Variants in FOXP2 observed in about 807,000 individuals in gnomAD.
FOXP2 encodes forkhead box P2.
Under a neutral mutation model 115.8 loss-of-function variants are expected in FOXP2, and 12 were observed. The observed-to-expected ratio is 0.10, with a 90% CI of 0.07 to 0.17. The LOEUF is 0.17. FOXP2 is among the 10% of genes least tolerant of loss of function. The pLI, the probability that FOXP2 is intolerant of heterozygous loss-of-function variation, is 1.00. For synonymous variants in FOXP2, 328 were observed against 297.7 expected, an observed-to-expected ratio of 1.10 and a Z score of -1.05; for missense variants, 629 against 843.5, an observed-to-expected ratio of 0.75 and a Z score of 3.15.
chr7:114,355,376 T>C (rs911002440), intron 2 of FOXP2, among the ~76,000 whole-genome samples: 1 of 152,178 alleles, frequency 6.6e-6, no homozygotes, highest in Admixed American at 6.5e-5. Context: ...GCTTAGAGTG[T>C]GTTCTATAAA....
At chr7:114,593,970 G>A (rs528857203) in intron 3 of FOXP2, among the ~76,000 whole-genome samples, 11 of 151,958 alleles carry the variant, frequency 7.2e-5, no homozygotes, top group South Asian at 4.2e-4. Context: ...AGAAGTTTCC[G>A]TGTCTATATT....
At chr7:114,486,460 A>G (rs1796779152) in intron 2 of FOXP2, among the ~76,000 whole-genome samples, 1 of 151,998 alleles carries the variant, frequency 6.6e-6, no homozygotes, top group African/African-American at 2.4e-5. Flanking sequence ...CAGCCAAACC[A>G]TATCATTCCA....
upstream of FOXP2, among the ~76,000 whole-genome samples, chr7:114,410,088 T>C (rs776218360): frequency 4.6e-5 from 7 of 152,128 alleles, no homozygotes; most frequent in Non-Finnish European, 8.8e-5. Flanking sequence ...GTTCCAATAC[T>C]GGGATCTTCG....
intron 1 of FOXP2, among the ~76,000 whole-genome samples, chr7:114,097,531 T>C (rs1177096307): frequency 1.3e-5 from 2 of 152,226 alleles, no homozygotes; most frequent in Non-Finnish European, 2.9e-5. Flanking sequence ...TTCATTCAAG[T>C]AAGTTTTTAT....
chr7:114,137,305 T>TC (rs1339693448), intron 1 of FOXP2, among the ~76,000 whole-genome samples: 1 of 152,172 alleles, frequency 6.6e-6, no homozygotes, highest in African/African-American at 2.4e-5. Flanking sequence ...TCAATGACTT[T>TC]TAAAGTAACA....
intron 3 of FOXP2, among the ~76,000 whole-genome samples, chr7:114,564,695 T>C (rs1800919656): frequency 1.3e-5 from 2 of 151,846 alleles, no homozygotes; most frequent in African/African-American, 2.4e-5. Flanking sequence ...GCCTGGAGTA[T>C]ATAGTGAGAC....
upstream of FOXP2, among the ~76,000 whole-genome samples, chr7:114,411,054 A>G (rs922286536): frequency 6.6e-6 from 1 of 152,156 alleles, no homozygotes. Flanking sequence ...AAATGCATAC[A>G]TAAATGGCAA....
At chr7:114,540,799 T>C (rs1242754185) in intron 3 of FOXP2, among the ~76,000 whole-genome samples, 3 of 152,042 alleles carry the variant, frequency 2.0e-5, no homozygotes, top group African/African-American at 7.2e-5. Context: ...AATTCTGAGA[T>C]CTGGTTGGGC....
intron 1 of FOXP2, among the ~76,000 whole-genome samples, chr7:114,169,123 T>C (rs1402377392): frequency 6.6e-6 from 1 of 150,596 alleles, no homozygotes; most frequent in African/African-American, 2.5e-5. Context: ...AAATGTGGGG[T>C]CAGAGCCCCC....
chr7:114,453,334 C>T (rs1482082027), intron 2 of FOXP2, among the ~76,000 whole-genome samples: 1 of 152,036 alleles, frequency 6.6e-6, no homozygotes, highest in East Asian at 1.9e-4. Flanking sequence ...AGGGGTTAAG[C>T]TGCATTTAAG....
chr7:114,416,878 A>G (rs1793371942), intron 1 of FOXP2, among the ~76,000 whole-genome samples: 1 of 151,934 alleles, frequency 6.6e-6, no homozygotes, highest in African/African-American at 2.4e-5. Flanking sequence ...ATGGTGCTCT[A>G]TTAGAAAACA....
At chr7:114,493,023 A>C (rs544499236) in intron 2 of FOXP2, among the ~76,000 whole-genome samples, 1 of 152,244 alleles carries the variant, frequency 6.6e-6, no homozygotes, top group East Asian at 1.9e-4. Flanking sequence ...AAAGTCTCCC[A>C]TTATTATTGT....
In FOXP2 at chr7:114,692,424, G is replaced by T. The variant is rs1478224408; in HGVS notation, c.*2498G>T. ...CAATTGCTTTGAAAATAGATTTTAG[G>T]TTTTTTGGAGTTTCCTGAAATGCTT... On this transcript the variant is annotated 3_prime_UTR_variant, in exon 17 of 17. Transcript: ENST00000350908. 1 of 449,690 alleles carries T rather than the reference G, an allele frequency of 2.2e-6. No individual in the cohort carries two copies. Among genetic ancestry groups the T allele is most frequent in the Non-Finnish European group, 4.4e-6 (1 of 225,474 alleles). 27.9% of individuals were successfully genotyped at this position (449,690 alleles called of 1,614,324 possible). A position where few individuals can be genotyped will look rare whatever the true frequency, so the allele number is the denominator to read the frequency against.
intron 1 of FOXP2, among the ~76,000 whole-genome samples, chr7:114,271,180 G>A (rs1269702294): frequency 6.6e-6 from 1 of 151,698 alleles, no homozygotes; most frequent in Non-Finnish European, 1.5e-5. Flanking sequence ...TATTTTTGCT[G>A]ATTCTTTCAG....
At chr7:114,274,603 C>CCT (rs1796139497) in intron 1 of FOXP2, among the ~76,000 whole-genome samples, 34 of 42,578 alleles carry the variant, frequency 8.0e-4, no homozygotes, top group African/African-American at 3.1e-3. Context: ...CCTCTCAAAG[C>CCT]TTTTTTTTTT....
At chr7:114,317,239 G>A (rs1797298192) in intron 2 of FOXP2, among the ~76,000 whole-genome samples, 1 of 152,118 alleles carries the variant, frequency 6.6e-6, no homozygotes, top group Non-Finnish European at 1.5e-5. Context: ...ATCACCTGTT[G>A]AGAGACAGTC....
At chr7:114,676,454 G>T (rs1216382810) in intron 16 of FOXP2, among the ~76,000 whole-genome samples, 2 of 152,122 alleles carry the variant, frequency 1.3e-5, no homozygotes, top group Non-Finnish European at 2.9e-5. Flanking sequence ...GATAAAGATT[G>T]CTGTATTGGA....
At chr7:114,610,281 C>T (rs1213108292) in intron 3 of FOXP2, among the ~76,000 whole-genome samples, 1 of 152,116 alleles carries the variant, frequency 6.6e-6, no homozygotes, top group Non-Finnish European at 1.5e-5. Flanking sequence ...TCTATATCTA[C>T]AAAATGATTG....
intron 2 of FOXP2, among the ~76,000 whole-genome samples, chr7:114,472,555 C>T (rs1443483074): frequency 1.3e-5 from 2 of 152,022 alleles, no homozygotes; most frequent in Non-Finnish European, 1.5e-5. Context: ...ATCATGTTAG[C>T]CAGGCTGGTC....
Sources: gnomAD v4.1 joint callset for allele counts (sites outside exome capture counted in the v4.1 genomes callset) on GRCh38, gnomAD v4.1.1 for gene constraint, MANE v1.5 for transcripts, NCBI Gene and HGNC (gene_info 2026-07-23, HGNC 2026-07-21) for gene names.